OPCML: variants seen among roughly 807,000 people sequenced by gnomAD.
OPCML encodes the protein opioid binding protein/cell adhesion molecule like, also known as opioid-binding protein/cell adhesion molecule.
A neutral mutation model predicts 37.8 loss-of-function variants in OPCML; 13 were observed. The ratio of observed to expected loss-of-function variants is 0.34; its 90% confidence interval spans 0.22 to 0.55. The LOEUF (loss-of-function observed/expected upper bound fraction) is 0.55, where lower values mean the gene tolerates loss of function less well. Ranked by LOEUF, OPCML falls within the 20% of genes least tolerant of loss-of-function variation. OPCML has a pLI of 0.91. For missense variants in OPCML, 341 were observed against 435.6 expected (o/e 0.78, Z 1.93); for synonymous variants, 176 against 168.8 (o/e 1.04, Z -0.33).
At chr11:132,609,163 T>C (rs1334808154) in intron 3 of OPCML, among the ~76,000 whole-genome samples, 1 of 152,116 alleles carries the variant, frequency 6.6e-6, no homozygotes, top group African/African-American at 2.4e-5. Context: ...AACCCTTCTG[T>C]GCATGGCATG....
intron 1 of OPCML, among the ~76,000 whole-genome samples, chr11:132,996,944 G>A (rs967100338): frequency 6.6e-6 from 1 of 152,168 alleles, no homozygotes; most frequent in Non-Finnish European, 1.5e-5. Flanking sequence ...GTCTCCTATT[G>A]TTCCACTTTT....
chr11:133,338,413 G>A (rs1485013765), intron 1 of OPCML, among the ~76,000 whole-genome samples: 2 of 152,162 alleles, frequency 1.3e-5, no homozygotes, highest in Non-Finnish European at 2.9e-5. Flanking sequence ...TGCTGCAGAC[G>A]AAAGGGAATT....
intron 4 of OPCML, among the ~76,000 whole-genome samples, chr11:132,466,716 A>G (rs2096121232): frequency 6.6e-6 from 1 of 152,268 alleles, no homozygotes; most frequent in African/African-American, 2.4e-5. Flanking sequence ...GTTTGCCTGG[A>G]TATAGATAAA....
chr11:132,535,460 G>A (rs2096338109), intron 3 of OPCML, among the ~76,000 whole-genome samples: 1 of 152,174 alleles, frequency 6.6e-6, no homozygotes, highest in South Asian at 2.1e-4. Context: ...ACCAGATGCA[G>A]AGGTGGCTGC....
intron 3 of OPCML, among the ~76,000 whole-genome samples, chr11:132,556,315 G>A (rs1194962435): frequency 6.6e-6 from 1 of 152,126 alleles, no homozygotes; most frequent in Non-Finnish European, 1.5e-5. Context: ...TCATTTATAA[G>A]AAATAGGGGT....
At chr11:132,473,669 T>A (rs995114398) in intron 4 of OPCML, among the ~76,000 whole-genome samples, 4 of 152,124 alleles carry the variant, frequency 2.6e-5, no homozygotes, top group East Asian at 1.9e-4. Context: ...CTACAAAAAA[T>A]TTTTAAAATA....
chr11:132,714,446 T>G (rs1223173203), intron 2 of OPCML, among the ~76,000 whole-genome samples: 6 of 152,290 alleles, frequency 3.9e-5, no homozygotes, highest in African/African-American at 1.4e-4. Flanking sequence ...AGAAGATGCT[T>G]CAAAAGCACA....
chr11:132,885,314 T>A (rs1055394774), intron 2 of OPCML, among the ~76,000 whole-genome samples: 1 of 152,190 alleles, frequency 6.6e-6, no homozygotes, highest in Non-Finnish European at 1.5e-5. Context: ...CATGTTCAAG[T>A]GTTCAGTCAT....
At chr11:133,144,484 C>A (rs1369085424) in intron 1 of OPCML, among the ~76,000 whole-genome samples, 1 of 152,240 alleles carries the variant, frequency 6.6e-6, no homozygotes, top group Non-Finnish European at 1.5e-5. Flanking sequence ...GAGGGATGGA[C>A]TCGATTTGTG....
intron 1 of OPCML, among the ~76,000 whole-genome samples, chr11:133,183,140 C>T (rs918992601): frequency 2.0e-5 from 3 of 152,262 alleles, no homozygotes; most frequent in South Asian, 4.1e-4. Context: ...GAAAAGGAAA[C>T]TTTATGAGTC....
At chr11:133,278,856 A>G (rs1942063799) in intron 1 of OPCML, among the ~76,000 whole-genome samples, 2 of 152,202 alleles carry the variant, frequency 1.3e-5, no homozygotes, top group Admixed American at 1.3e-4. Flanking sequence ...TGAAGTCTAT[A>G]AAGTCTATAT....
chr11:132,886,922 A>C (rs1358143526), intron 2 of OPCML, among the ~76,000 whole-genome samples: 1 of 152,144 alleles, frequency 6.6e-6, no homozygotes, highest in African/African-American at 2.4e-5. Flanking sequence ...GGCTCACTAC[A>C]GTGGAAAGAG....
At chr11:133,079,776 C>G (rs1239812390) in intron 1 of OPCML, among the ~76,000 whole-genome samples, 1 of 152,074 alleles carries the variant, frequency 6.6e-6, no homozygotes, top group Non-Finnish European at 1.5e-5. Flanking sequence ...GAGGAAGGAC[C>G]TATATGTTCC....
At chr11:133,045,335 G>A (rs750977982) in intron 1 of OPCML, among the ~76,000 whole-genome samples, 3 of 152,142 alleles carry the variant, frequency 2.0e-5, no homozygotes, top group African/African-American at 4.8e-5. Context: ...TATGGTCTTC[G>A]CTAGCTCTAT....
rs575404593 is a variant in OPCML, at chr11:132,569,565, G to A, written c.380-40379C>T. ...ATGGCTAAGAATTCTTCAGAATTAA[G>A]GAAAAACTTCAATCTTCATAATGTG... On this transcript the variant is annotated intron_variant, in intron 3 of 7. Coordinates refer to ENST00000524381, the MANE Select transcript of OPCML (RefSeq NM_001012393.5). Among the ~76,000 whole-genome samples, 105 of 151,876 alleles carry A rather than the reference G, an allele frequency of 6.9e-4. 3 individuals are homozygous for A. The South Asian group carries it at 0.022, about 32-fold the overall frequency.
At chr11:133,276,307 C>G (rs1941992117) in intron 1 of OPCML, among the ~76,000 whole-genome samples, 1 of 151,974 alleles carries the variant, frequency 6.6e-6, no homozygotes, top group South Asian at 2.1e-4. Context: ...TGGGAAAGAA[C>G]AGAGAACCTG....
chr11:133,518,935 G>A (rs908233951), intron 1 of OPCML, among the ~76,000 whole-genome samples: 1 of 152,114 alleles, frequency 6.6e-6, no homozygotes, highest in African/African-American at 2.4e-5. Flanking sequence ...GTCAGGCCAG[G>A]AGCAGCCCAC....
At chr11:132,858,846 C>T (rs1311149322) in intron 2 of OPCML, among the ~76,000 whole-genome samples, 2 of 150,860 alleles carry the variant, frequency 1.3e-5, no homozygotes, top group Non-Finnish European at 2.9e-5. Flanking sequence ...ATTTCATAAA[C>T]TAACATAAAG....
At chr11:132,915,389 G>T (rs890603799) in intron 2 of OPCML, among the ~76,000 whole-genome samples, 4 of 152,214 alleles carry the variant, frequency 2.6e-5, no homozygotes, top group African/African-American at 9.7e-5. Context: ...ACATGGGAAG[G>T]CTGGCAAGAC....
Sources: gnomAD v4.1 joint callset for allele counts (sites outside exome capture counted in the v4.1 genomes callset) on GRCh38, gnomAD v4.1.1 for gene constraint, MANE v1.5 for transcripts, NCBI Gene and HGNC (gene_info 2026-07-23, HGNC 2026-07-21) for gene names.